LY6G6C: variants seen among roughly 807,000 people sequenced by gnomAD.
LY6G6C encodes the protein lymphocyte antigen 6 complex locus protein G6c.
Under a neutral mutation model 12.8 loss-of-function variants are expected in LY6G6C, and 12 were observed. The observed-to-expected ratio is 0.94, with a 90% CI of 0.60 to 1.52. The LOEUF (loss-of-function observed/expected upper bound fraction) is 1.52, where lower values mean the gene tolerates loss of function less well. Ranked by LOEUF, LY6G6C falls within the 40% of genes most tolerant of loss-of-function variation. The pLI is 0.00. For synonymous variants in LY6G6C, 42 were observed against 61.6 expected, an observed-to-expected ratio of 0.68 and a Z score of 1.49; for missense variants, 125 against 155.8, an observed-to-expected ratio of 0.80 and a Z score of 1.05.
chr6:31,719,326 G>C lies in LY6G6C; in HGVS notation c.164-16C>G, dbSNP rs1806658374. The stretch of plus-strand genomic sequence containing the variant: ...CACATCTTACCTAGGGGTGGGAATG[G>C]GCAGGGAATCGGCCAGGATGGGCAC... On this transcript the variant is annotated splice_polypyrimidine_tract_variant and intron_variant, in intron 2 of 2. Transcript: ENST00000375819. The C allele has an allele frequency of 6.2e-7, 1 of 1,612,742 alleles. No homozygotes were observed. Among genetic ancestry groups the C allele is most frequent in the Non-Finnish European group, 8.5e-7 (1 of 1,178,788 alleles).
Position 31,720,040 on chromosome 6 carries a change from G to T in LY6G6C, c.163+53C>A. On this transcript the variant is annotated intron_variant, in intron 2 of 2. Transcript: ENST00000375819. This position sits in a 1 kb window ranked among gnomAD's most constrained non-coding sequence, Gnocchi z 4.9. ...TTAGACCCATTTGGGCCTCAGTCCT[G>T]GTCATAGAGGCTCCCACCTCCCTGT... The T allele has an allele frequency of 2.3e-6, 3 of 1,293,828 alleles. No homozygotes were observed. In the Admixed American group the frequency reaches 5.1e-5, roughly 22 times the overall value. The allele number at this position is 1,293,828 out of a possible 1,614,324, so 80.1% of individuals were successfully genotyped here. A position where few individuals can be genotyped will look rare whatever the true frequency, so the allele number is the denominator to read the frequency against.
rs1806714012 is a variant in LY6G6C, at chr6:31,720,289, AG to A, written c.53-87del. On this transcript the variant is annotated intron_variant, in intron 1 of 2. Coordinates refer to ENST00000375819, the MANE Select transcript of LY6G6C (RefSeq NM_025261.3). This position sits in a 1 kb window ranked among gnomAD's most constrained non-coding sequence, Gnocchi z 4.9. The stretch of plus-strand genomic sequence containing the variant: ...AGCTGGGGGCAGGGGTGGAGGGTGG[AG>A]AAGAGCCCATCCCGTAGGTGCTCCA... 5 of 904,532 alleles carry A rather than the reference AG, an allele frequency of 5.5e-6. No homozygotes were observed. In the Admixed American group the frequency reaches 9.8e-5, roughly 18 times the overall value. The allele number at this position is 904,532 out of a possible 1,614,324, so 56.0% of individuals were successfully genotyped here. A position where few individuals can be genotyped will look rare whatever the true frequency, so the allele number is the denominator to read the frequency against.
chr6:31,720,339 C>G lies in LY6G6C; in HGVS notation c.53-136G>C. The G allele has an allele frequency of 1.6e-6, 1 of 636,114 alleles. No individual in the cohort carries two copies. Among genetic ancestry groups the G allele is most frequent in the South Asian group, 1.8e-5 (1 of 54,202 alleles). The allele number at this position is 636,114 out of a possible 1,614,324, so 39.4% of individuals were successfully genotyped here. On this transcript the variant is annotated intron_variant, in intron 1 of 2. Transcript: ENST00000375819. This position sits in a 1 kb window ranked among gnomAD's most constrained non-coding sequence, Gnocchi z 4.9. ...CAACCTGTTTGGCTGTTTGGTCTAG[C>G]AAGCACAGAGCAGGTGAGTGATGCA...
rs145333192 is a variant in LY6G6C at position 31,721,672 on chromosome 6, G to A, written c.8C>T (p.Ala3Val). 3.1e-4 allele frequency: 504 copies of A among 1,614,002 alleles called. 1 individual carries two copies. In the African/African-American group the frequency reaches 6.5e-3, roughly 21 times the overall value. The change falls in exon 1 of 3, where the codon GCC (alanine) becomes GTC (valine). Residue 3 changes from alanine to valine, a missense_variant. Ala to Val is a moderately conservative substitution (Grantham distance 64). Coordinates refer to ENST00000375819, the MANE Select transcript of LY6G6C (RefSeq NM_025261.3). MK[A>V]LMLLTLSVLL... Reference sequence around the variant, plus strand: ...AACAGACAGGGTGAGCAGCATAAGGGCTTTCATGGCGAGGGTCCTGAGAAT... The same window carrying A: ...AACAGACAGGGTGAGCAGCATAAGGACTTTCATGGCGAGGGTCCTGAGAAT...
intron 2 of LY6G6C, 95 bp from the exon 3 acceptor site, chr6:31,719,405 CT>C: frequency 9.8e-7 from 1 of 1,022,410 alleles, no homozygotes; most frequent in Non-Finnish European, 1.5e-6. Context: ...GGCTTCCTTC[CT>C]TCCCAACTCT....
Position 31,718,841 on chromosome 6 carries a change from G to C in LY6G6C, c.*255C>G, listed in dbSNP as rs1583804051. On this transcript the variant is annotated 3_prime_UTR_variant, in exon 3 of 3. Transcript: ENST00000375819. ...ATCCCTCCTCAAGTAGGGGACAGCA[G>C]AGTATAGGAAGCAAAGTGGGGAGCC... is the stretch of plus-strand genomic sequence containing the variant. The C allele has an allele frequency of 1.8e-6, 1 of 560,364 alleles. No homozygotes were observed. The highest frequency in any genetic ancestry group is 3.2e-6 in the Non-Finnish European group (1 of 314,624). The allele number at this position is 560,364 out of a possible 1,614,324, so 34.7% of individuals were successfully genotyped here.
In LY6G6C at chr6:31,719,121, C is replaced by T. The variant is rs1408680918; in HGVS notation, c.353G>A (p.Gly118Asp). Residue 118 changes from glycine (G) to aspartate (D), a missense_variant, in exon 3 of 3, where the codon GGC becomes GAC. Gly to Asp is a moderately conservative substitution (Grantham distance 94). Coordinates refer to ENST00000375819, the MANE Select transcript of LY6G6C (RefSeq NM_025261.3). Reference protein sequence around the residue: ...LGLVFLTSLAGLGLWLLH With the variant: ...LGLVFLTSLADLGLWLLH ...TCAGTGCAGCAGCCAGAGGCCAAGGCCAGCCAAGGAGGTAAGGAAGACAAG... is the reference window on the plus strand; with the variant it reads ...TCAGTGCAGCAGCCAGAGGCCAAGGTCAGCCAAGGAGGTAAGGAAGACAAG... 3.1e-6 allele frequency: 5 copies of T among 1,613,780 alleles called. No individual in the cohort carries two copies. The African/African-American group carries it at 5.3e-5, about 17-fold the overall frequency.
At position 31,718,812 on chromosome 6, in the gene LY6G6C, C is replaced by T. The variant is rs1368951008; in HGVS notation, c.*284G>A. On this transcript the variant is annotated 3_prime_UTR_variant, in exon 3 of 3. Transcript: ENST00000375819. ...CAGAAGCCCCATTTCAGGCCCAGATCCCAATCCCTCCTCAAGTAGGGGACA... is the reference window on the plus strand; with the variant it reads ...CAGAAGCCCCATTTCAGGCCCAGATTCCAATCCCTCCTCAAGTAGGGGACA... The T allele has an allele frequency of 7.9e-6, 4 of 508,610 alleles. No homozygotes were observed. Among genetic ancestry groups the T allele is most frequent in the Non-Finnish European group, 1.4e-5 (4 of 285,564 alleles). The allele number at this position is 508,610 out of a possible 1,614,324, so 31.5% of individuals were successfully genotyped here.
At chr6:31,719,880 A>T (rs545175874) in intron 2 of LY6G6C, among the ~76,000 whole-genome samples, 1 of 152,176 alleles carries the variant, frequency 6.6e-6, no homozygotes. Context: ...GTATAATAAT[A>T]GCACCCACAT....
chr6:31,719,080 G>A lies in LY6G6C; in HGVS notation c.*16C>T. ...GCCAAGGCAGGTGGGAGGAGGGGCAGCCAATGGAATGAGTCTCAGTGCAGC... is the reference window on the plus strand; with the variant it reads ...GCCAAGGCAGGTGGGAGGAGGGGCAACCAATGGAATGAGTCTCAGTGCAGC... On this transcript the variant is annotated 3_prime_UTR_variant, in exon 3 of 3. Transcript: ENST00000375819. The A allele has an allele frequency of 6.2e-7, 1 of 1,605,888 alleles. No individual in the cohort carries two copies. The highest frequency in any genetic ancestry group is 8.5e-7 in the Non-Finnish European group (1 of 1,173,188).
chr6:31,720,104 T>A lies in LY6G6C; in HGVS notation c.152A>T (p.His51Leu), dbSNP rs1467285762. The change falls in exon 2 of 3, where the codon CAT becomes CTT. Residue 51 changes from histidine to leucine, a missense_variant. Coordinates refer to ENST00000375819, the MANE Select transcript of LY6G6C (RefSeq NM_025261.3). The surrounding 1 kb of genome is among the most constrained non-coding windows in gnomAD (Gnocchi z 4.9). The part of the protein sequence containing the change: ...LEPGQQCLTT[H>L]AYLGKMWVFS... ...GAAGGGGATGTTACCAAGGTATGCATGTGTTGTCAGGCATTGCTGTCCTGG... is the reference window on the plus strand; with the variant it reads ...GAAGGGGATGTTACCAAGGTATGCAAGTGTTGTCAGGCATTGCTGTCCTGG... 1.7e-5 allele frequency: 28 copies of A among 1,612,348 alleles called. No individual in the cohort carries two copies. Among genetic ancestry groups the A allele is most frequent in the Non-Finnish European group, 2.3e-5 (27 of 1,179,440 alleles).
intron 2 of LY6G6C, among the ~76,000 whole-genome samples, chr6:31,719,528 T>C (rs150680652): frequency 8.5e-5 from 13 of 152,158 alleles, no homozygotes; most frequent in Middle Eastern, 3.4e-3. Context: ...CCTGTTACTG[T>C]CTCTGTTTTT....
chr6:31,719,843 C>T (rs1806689415), intron 2 of LY6G6C, among the ~76,000 whole-genome samples: 1 of 152,030 alleles, frequency 6.6e-6, no homozygotes, highest in Non-Finnish European at 1.5e-5. Context: ...GGCTGTGTTA[C>T]TGTCTCTTTT....
At chr6:31,719,354 G>A (rs1394203010) in intron 2 of LY6G6C, 44 bp from the exon 3 acceptor site, 1 of 1,573,672 alleles carries the variant, frequency 6.4e-7, no homozygotes, top group African/African-American at 1.3e-5. Context: ...ATGGGCACCT[G>A]GCATGCCTGT....
At position 31,718,915 on chromosome 6, in the gene LY6G6C, A is replaced by T. The variant is rs1806627705; in HGVS notation, c.*181T>A. The T allele has an allele frequency of 1.7e-6, 1 of 604,366 alleles. No individual in the cohort carries two copies. Among genetic ancestry groups the T allele is most frequent in the Non-Finnish European group, 2.9e-6 (1 of 344,432 alleles). The allele number at this position is 604,366 out of a possible 1,614,324, so 37.4% of individuals were successfully genotyped here. A position where few individuals can be genotyped will look rare whatever the true frequency, so the allele number is the denominator to read the frequency against. On this transcript the variant is annotated 3_prime_UTR_variant, in exon 3 of 3. Transcript: ENST00000375819. The stretch of plus-strand genomic sequence containing the variant: ...TGGAAGGAAGTGGGAAGGGACCCAG[A>T]AAAAGGAGAGTGAAGGGTGTGAGGT...
chr6:31,720,052 T>A lies in LY6G6C; in HGVS notation c.163+41A>T. ...GGGCCTCAGTCCTGGTCATAGAGGCTCCCACCTCCCTGTTCACCCCACTAA... is the reference window on the plus strand; with the variant it reads ...GGGCCTCAGTCCTGGTCATAGAGGCACCCACCTCCCTGTTCACCCCACTAA... On this transcript the variant is annotated intron_variant, in intron 2 of 2. Transcript: ENST00000375819. This position sits in a 1 kb window ranked among gnomAD's most constrained non-coding sequence, Gnocchi z 4.9. 1 of 1,438,738 alleles carries A rather than the reference T, an allele frequency of 7.0e-7. No homozygotes were observed. Among genetic ancestry groups the A allele is most frequent in the Non-Finnish European group, 9.8e-7 (1 of 1,023,662 alleles). The allele number at this position is 1,438,738 out of a possible 1,614,324, so 89.1% of individuals were successfully genotyped here.
Position 31,719,260 on chromosome 6 carries a change from A to G in LY6G6C, c.214T>C (p.Cys72Arg), listed in dbSNP as rs919518961. The change falls in exon 3 of 3, where the codon TGT becomes CGT. Residue 72 changes from cysteine (C) to arginine (R), a missense_variant. By Grantham distance (180) the Cys-to-Arg change is radical. Transcript: ENST00000375819. The part of the protein sequence containing the change: ...NLRCGTPEEP[C>R]QEAFNQTNRK... Reference sequence around the variant, plus strand: ...TTGGTTTGGTTGAAGGCCTCCTGACAGGGCTCTTCTGGTGTGCCACAGCGC... The same window carrying G: ...TTGGTTTGGTTGAAGGCCTCCTGACGGGGCTCTTCTGGTGTGCCACAGCGC... The G allele has an allele frequency of 1.2e-6, 2 of 1,614,052 alleles. No individual in the cohort carries two copies. The highest frequency in any genetic ancestry group is 3.3e-5 in the Admixed American group (2 of 60,006).
At chr6:31,719,479 A>C (rs1806667309) in intron 2 of LY6G6C, among the ~76,000 whole-genome samples, 169 bp from the exon 3 acceptor site, 1 of 146,484 alleles carries the variant, frequency 6.8e-6, no homozygotes, top group African/African-American at 2.5e-5. Flanking sequence ...CTTACCCACC[A>C]CTCCCCCAGT....
In LY6G6C at chr6:31,718,906, G is replaced by T; in HGVS notation, c.*190C>A. ...TGGAGGTCCTGGAAGGAAGTGGGAA[G>T]GGACCCAGAAAAAGGAGAGTGAAGG... On this transcript the variant is annotated 3_prime_UTR_variant, in exon 3 of 3. Coordinates refer to ENST00000375819, the MANE Select transcript of LY6G6C (RefSeq NM_025261.3). 1.7e-6 allele frequency: 1 copy of T among 596,858 alleles called. No individual in the cohort carries two copies. Among genetic ancestry groups the T allele is most frequent in the Non-Finnish European group, 3.0e-6 (1 of 338,422 alleles). The allele number at this position is 596,858 out of a possible 1,614,324, so 37.0% of individuals were successfully genotyped here.
Sources: allele counts gnomAD v4.1 joint callset (sites outside exome capture counted in the v4.1 genomes callset), GRCh38; gene constraint gnomAD v4.1.1; non-coding constraint Gnocchi (gnomAD v3.1); transcripts MANE v1.5; gene names NCBI Gene and HGNC (gene_info 2026-07-23, HGNC 2026-07-21).